Variants in MARCHF4 observed in about 807,000 individuals in gnomAD.
MARCHF4 encodes the protein membrane associated ring-CH-type finger 4.
MARCHF4 carries 14 observed loss-of-function variants against 43.9 expected under a neutral mutation model. The ratio of observed to expected loss-of-function variants is 0.32; its 90% CI spans 0.21 to 0.50. The LOEUF is 0.50. Ranked by LOEUF, MARCHF4 falls within the 20% of genes least tolerant of loss-of-function variation. The probability of loss-of-function intolerance (pLI) is 0.98; values close to 1 mark genes in which losing one functional copy is unlikely to be tolerated. For missense variants in MARCHF4, 468 were observed against 536.7 expected, an observed-to-expected ratio of 0.87 and a Z score of 1.27; for synonymous variants, 226 against 213.3, an observed-to-expected ratio of 1.06 and a Z score of -0.52.
At chr2:216,355,553 C>T (rs931999) in intron 1 of MARCHF4, among the ~76,000 whole-genome samples, 48,991 of 152,142 alleles carry the variant, frequency 0.32, 8,119 homozygotes, top group East Asian at 0.51. Context: ...GGTCACTTCC[C>T]AATAAGTGGA....
chr2:216,368,712 T>C (rs1187775236), intron 1 of MARCHF4, among the ~76,000 whole-genome samples: 3 of 152,236 alleles, frequency 2.0e-5, no homozygotes, highest in Non-Finnish European at 4.4e-5. Flanking sequence ...AAGAAGTGGC[T>C]GATAGGAACA....
chr2:216,341,125 A>G (rs1470368436), intron 1 of MARCHF4, among the ~76,000 whole-genome samples: 1 of 152,224 alleles, frequency 6.6e-6, no homozygotes, highest in Non-Finnish European at 1.5e-5. Context: ...GGCAGTGAGC[A>G]GTGCCAGCAG....
chr2:216,322,443 T>C (rs551753544), intron 1 of MARCHF4, among the ~76,000 whole-genome samples: 1 of 152,336 alleles, frequency 6.6e-6, no homozygotes, highest in African/African-American at 2.4e-5. Context: ...GTGAACCTCC[T>C]GAAATTACAG....
At chr2:216,352,110 C>T (rs1692412301) in intron 1 of MARCHF4, among the ~76,000 whole-genome samples, 1 of 152,168 alleles carries the variant, frequency 6.6e-6, no homozygotes, top group African/African-American at 2.4e-5. Flanking sequence ...TGAAAGAGAT[C>T]CGATTTGCCA....
chr2:216,289,048 T>A (rs1457830146), intron 1 of MARCHF4, among the ~76,000 whole-genome samples: 6 of 15,456 alleles, frequency 3.9e-4, no homozygotes, highest in South Asian at 0.016. Flanking sequence ...TATATATATA[T>A]AAACATATAT....
At chr2:216,264,521 A>T (rs1690813207) in intron 3 of MARCHF4, among the ~76,000 whole-genome samples, 1 of 152,180 alleles carries the variant, frequency 6.6e-6, no homozygotes. Flanking sequence ...TTGTTTGAAC[A>T]TTGGTATGCT....
chr2:216,305,483 G>A (rs963104505), intron 1 of MARCHF4, among the ~76,000 whole-genome samples: 5 of 152,074 alleles, frequency 3.3e-5, no homozygotes, highest in African/African-American at 7.3e-5. Context: ...TTCTTGCTCC[G>A]GCTCTAACGC....
chr2:216,318,215 G>C (rs1691815148), intron 1 of MARCHF4: 1 of 152,242 alleles, frequency 6.6e-6, no homozygotes, highest in Non-Finnish European at 1.5e-5. Flanking sequence ...GTTACAGCAA[G>C]GGAAGCAGGC....
At chr2:216,292,330 G>A (rs1416600446) in intron 1 of MARCHF4, among the ~76,000 whole-genome samples, 1 of 152,234 alleles carries the variant, frequency 6.6e-6, no homozygotes, top group Non-Finnish European at 1.5e-5. Flanking sequence ...AGCAGGAAAT[G>A]TCCAGTTGCC....
At chr2:216,331,735 G>A (rs1692084092) in intron 1 of MARCHF4, among the ~76,000 whole-genome samples, 1 of 152,048 alleles carries the variant, frequency 6.6e-6, no homozygotes, top group Admixed American at 6.6e-5. Context: ...AAATCAATAT[G>A]GTCATCTAAA....
chr2:216,345,689 T>C (rs1692308612), intron 1 of MARCHF4, among the ~76,000 whole-genome samples: 1 of 152,206 alleles, frequency 6.6e-6, no homozygotes, highest in Non-Finnish European at 1.5e-5. Flanking sequence ...CTGACCCCTT[T>C]GCTGCTCAAA....
At chr2:216,313,315 T>C (rs1343842431) in intron 1 of MARCHF4, among the ~76,000 whole-genome samples, 1 of 152,222 alleles carries the variant, frequency 6.6e-6, no homozygotes, top group Non-Finnish European at 1.5e-5. Context: ...GCAAATGGCA[T>C]CTAATTTCTC....
chr2:216,294,040 G>A (rs1227092199), intron 1 of MARCHF4, among the ~76,000 whole-genome samples: 1 of 152,174 alleles, frequency 6.6e-6, no homozygotes, highest in East Asian at 1.9e-4. Flanking sequence ...TCTCCCCCTG[G>A]CTAAATAGAA....
chr2:216,260,445 G>GGGT (rs2105929762), intron 3 of MARCHF4, among the ~76,000 whole-genome samples: 1 of 152,340 alleles, frequency 6.6e-6, no homozygotes. Context: ...GTTTTAGCAA[G>GGGT]GGTGGTGGGA....
intron 1 of MARCHF4, among the ~76,000 whole-genome samples, chr2:216,350,726 C>T (rs904861231): frequency 6.6e-6 from 1 of 152,218 alleles, no homozygotes; most frequent in Non-Finnish European, 1.5e-5. Flanking sequence ...ATGCCCCTCC[C>T]TGTTTTCTGC....
chr2:216,339,358 T>C (rs1265713624), intron 1 of MARCHF4, among the ~76,000 whole-genome samples: 2 of 152,212 alleles, frequency 1.3e-5, no homozygotes, highest in East Asian at 1.9e-4. Context: ...CTCTCCTCCA[T>C]TGGGAAAAAG....
Position 216,300,078 on chromosome 2 carries a change from T to C in MARCHF4, c.517-16349A>G, listed in dbSNP as rs544683103. ...CAAAGAAAGTGGCTATAGGGAAGCA[T>C]GAAGATCTAGAGCCATTAGTACAAT... On this transcript the variant is annotated intron_variant, in intron 1 of 3. Transcript: ENST00000273067. Among the ~76,000 whole-genome samples, 33 of 152,262 alleles carry C rather than the reference T, an allele frequency of 2.2e-4. 1 individual carries two copies. The East Asian group carries it at 6.0e-3, about 28-fold the overall frequency.
Position 216,277,730 on chromosome 2 carries a change from T to C in MARCHF4, c.807A>G (p.Gln269=). Reference sequence around the variant, plus strand: ...CGTAGCAGATCTGGAAGAGAAGGTCTTGGCGCTGCCATCTTGCCGAGGGGC... The same window carrying C: ...CGTAGCAGATCTGGAAGAGAAGGTCCTGGCGCTGCCATCTTGCCGAGGGGC... The part of the protein sequence containing the change: ...TFSPSARWQR[Q]DLLFQICYGM... Residue 269 remains glutamine, a synonymous_variant, in exon 3 of 4, where the codon CAA becomes CAG. Transcript: ENST00000273067. 1.2e-6 allele frequency: 2 copies of C among 1,614,168 alleles called. No individual in the cohort carries two copies. Among genetic ancestry groups the C allele is most frequent in the Non-Finnish European group, 1.7e-6 (2 of 1,180,002 alleles).
At chr2:216,358,196 G>A (rs1230011695) in intron 1 of MARCHF4, among the ~76,000 whole-genome samples, 1 of 152,156 alleles carries the variant, frequency 6.6e-6, no homozygotes, top group African/African-American at 2.4e-5. Context: ...TTAAGATTCT[G>A]AGTCTATAAG....
Sources: allele counts gnomAD v4.1 joint callset (sites outside exome capture counted in the v4.1 genomes callset), GRCh38; gene constraint gnomAD v4.1.1; transcripts MANE v1.5; gene names NCBI Gene and HGNC (gene_info 2026-07-23, HGNC 2026-07-21).